TLE3: variants seen among roughly 807,000 people sequenced by gnomAD.
TLE3 encodes TLE family member 3, transcriptional corepressor.
TLE3 carries 14 observed loss-of-function variants against 93.0 expected under a neutral mutation model. The ratio of observed to expected loss-of-function variants is 0.15; its 90% confidence interval spans 0.10 to 0.24. The LOEUF (loss-of-function observed/expected upper bound fraction) is 0.24, where lower values mean the gene tolerates loss of function less well. TLE3 is among the 10% of genes least tolerant of loss of function. The probability of loss-of-function intolerance (pLI) is 1.00; values close to 1 mark genes in which losing one functional copy is unlikely to be tolerated. For missense variants in TLE3, 693 were observed against 1,046.6 expected (o/e 0.66, Z 4.66); for synonymous variants, 451 against 425.0 (o/e 1.06, Z -0.75).
At chr15:70,093,925 T>C (rs2058427275) in intron 4 of TLE3, among the ~76,000 whole-genome samples, 1 of 152,150 alleles carries the variant, frequency 6.6e-6, no homozygotes, top group African/African-American at 2.4e-5. Context: ...AGCTTCCTTC[T>C]CTGTAAAATG....
Position 70,064,420 on chromosome 15 carries a change from A to G in TLE3, c.594+34T>C, listed in dbSNP as rs760863519. Reference sequence around the variant, plus strand: ...AGTCCCACCTCCTCCCAGCACCCAAACACCCCTCCGGGTTCCAGAGTGCCA... The same window carrying G: ...AGTCCCACCTCCTCCCAGCACCCAAGCACCCCTCCGGGTTCCAGAGTGCCA... On this transcript the variant is annotated intron_variant, in intron 8 of 19. Coordinates refer to ENST00000451782, the MANE Select transcript of TLE3 (RefSeq NM_001105192.3). The G allele has an allele frequency of 5.6e-6, 9 of 1,612,706 alleles. No individual in the cohort carries two copies. The African/African-American group carries it at 1.1e-4, about 19-fold the overall frequency.
chr15:70,093,409 C>T (rs2058393968), intron 4 of TLE3, among the ~76,000 whole-genome samples: 1 of 152,242 alleles, frequency 6.6e-6, no homozygotes, highest in South Asian at 2.1e-4. Context: ...CTCACCTGCC[C>T]TGGGTCCTGC....
chr15:70,079,887 C>G (rs112964929), intron 4 of TLE3, among the ~76,000 whole-genome samples: 1 of 152,062 alleles, frequency 6.6e-6, no homozygotes, highest in South Asian at 2.1e-4. Flanking sequence ...AGTGATTTCA[C>G]TAAATGACTT....
chr15:70,088,679 G>A (rs2058149754), intron 4 of TLE3, among the ~76,000 whole-genome samples: 1 of 152,128 alleles, frequency 6.6e-6, no homozygotes, highest in East Asian at 1.9e-4. Flanking sequence ...TATTTTGCTG[G>A]CTGCTATCAT....
intron 1 of TLE3, chr15:70,096,558 G>C: frequency 6.9e-7 from 1 of 1,455,854 alleles, no homozygotes; most frequent in Non-Finnish European, 9.3e-7. Flanking sequence ...CGCGTGAACA[G>C]CTCCCCCTGG....
intron 4 of TLE3, among the ~76,000 whole-genome samples, chr15:70,083,217 C>A (rs1307516955): frequency 6.6e-6 from 1 of 152,196 alleles, no homozygotes. Context: ...TGGAGGCAGA[C>A]ACCACAGGGC....
At chr15:70,067,224 T>G (rs567571064) in intron 6 of TLE3, among the ~76,000 whole-genome samples, 1 of 152,234 alleles carries the variant, frequency 6.6e-6, no homozygotes, top group African/African-American at 2.4e-5. Flanking sequence ...TTCTCTTTCC[T>G]CTCCCTTCGC....
intron 8 of TLE3, among the ~76,000 whole-genome samples, chr15:70,061,985 C>T (rs186073732): frequency 2.1e-3 from 321 of 152,266 alleles, no homozygotes; most frequent in African/African-American, 7.3e-3. Flanking sequence ...AGAGGCCAAG[C>T]GTGGCTCAGG....
At position 70,058,545 on chromosome 15, in the gene TLE3, C is replaced by G. The variant is rs371432438; in HGVS notation, c.918+118G>C. 9.2e-6 allele frequency: 13 copies of G among 1,415,704 alleles called. No individual in the cohort carries two copies. The East Asian group carries it at 1.3e-4, about 14-fold the overall frequency. The allele number at this position is 1,415,704 out of a possible 1,614,324, so 87.7% of individuals were successfully genotyped here. A position where few individuals can be genotyped will look rare whatever the true frequency, so the allele number is the denominator to read the frequency against. On this transcript the variant is annotated intron_variant, in intron 11 of 19. Coordinates refer to ENST00000451782, the MANE Select transcript of TLE3 (RefSeq NM_001105192.3). The surrounding 1 kb of genome is among the most constrained non-coding windows in gnomAD (Gnocchi z 4.1). Reference sequence around the variant, plus strand: ...GGCCCAGCAGGCACAGAAGGTAAACCGGGGCCAATCACCCACCCAGCTTCT... The same window carrying G: ...GGCCCAGCAGGCACAGAAGGTAAACGGGGGCCAATCACCCACCCAGCTTCT...
chr15:70,056,421 A>C (rs1566988613), intron 13 of TLE3, 47 bp from the exon 14 acceptor site: 1 of 1,562,318 alleles, frequency 6.4e-7, no homozygotes, highest in Non-Finnish European at 8.7e-7. Context: ...GCTGCCACAC[A>C]CCCCCACCCC....
intron 8 of TLE3, 116 bp from the exon 9 acceptor site, chr15:70,060,765 ACTC>A (rs2056419272): frequency 2.0e-6 from 3 of 1,525,532 alleles, no homozygotes; most frequent in African/African-American, 1.4e-5. Context: ...GAGAAGCTGA[ACTC>A]CTCTCTGCCC....
intron 4 of TLE3, among the ~76,000 whole-genome samples, chr15:70,081,718 A>C (rs1310967344): frequency 6.6e-6 from 1 of 152,258 alleles, no homozygotes; most frequent in Non-Finnish European, 1.5e-5. Context: ...TCTTCTTCGG[A>C]AAATCAGGGC....
In TLE3 at chr15:70,067,212, G is replaced by A. The variant is rs116044322; in HGVS notation, c.373-994C>T. On this transcript the variant is annotated intron_variant, in intron 6 of 19. Coordinates refer to ENST00000451782, the MANE Select transcript of TLE3 (RefSeq NM_001105192.3). ...CTCAACACTAGCCTCAGGGGCTTGG[G>A]CTTCTCTTTCCTCTCCCTTCGCCCC... 3.0e-3 allele frequency among the ~76,000 whole-genome samples: 456 copies of A among 152,294 alleles called. 4 individuals are homozygous for A. Among genetic ancestry groups the A allele is most frequent in the African/African-American group, 0.011 (440 of 41,568 alleles).
chr15:70,081,917 G>A (rs1415322803), intron 4 of TLE3, among the ~76,000 whole-genome samples: 1 of 152,178 alleles, frequency 6.6e-6, no homozygotes, highest in Non-Finnish European at 1.5e-5. Context: ...TGTGTGTTTG[G>A]GGGTGTCATC....
Position 70,065,979 on chromosome 15 carries a change from GC to G in TLE3, c.577+34del, listed in dbSNP as rs540632960. ...CCTATGAGCGCCCATGCCCACCCCT[GC>G]CCCGCCCCACCCTCTGCCCCAGCCC... is the stretch of plus-strand genomic sequence containing the variant. On this transcript the variant is annotated intron_variant, in intron 7 of 19. Coordinates refer to ENST00000451782, the MANE Select transcript of TLE3 (RefSeq NM_001105192.3). 2.8e-4 allele frequency: 301 copies of G among 1,089,098 alleles called. 1 individual carries two copies. The African/African-American group carries it at 4.2e-3, about 15-fold the overall frequency. 67.5% of individuals were successfully genotyped at this position (1,089,098 alleles called of 1,614,324 possible).
chr15:70,051,623 C>G, intron 18 of TLE3, 156 bp from the exon 19 acceptor site: 28 of 209,690 alleles, frequency 1.3e-4, no homozygotes, highest in South Asian at 3.1e-4. Context: ...ATGGGACATG[C>G]GGACACCTGG....
At chr15:70,062,992 G>GGGATGA (rs1400539908) in intron 8 of TLE3, among the ~76,000 whole-genome samples, 2 of 152,186 alleles carry the variant, frequency 1.3e-5, no homozygotes, top group African/African-American at 2.4e-5. Flanking sequence ...GAAGCCAATA[G>GGGATGA]GGATGAGGAT....
chr15:70,083,743 G>C (rs1319259484), intron 4 of TLE3, among the ~76,000 whole-genome samples: 2 of 151,896 alleles, frequency 1.3e-5, no homozygotes, highest in Non-Finnish European at 2.9e-5. Flanking sequence ...CCCTTGCAGA[G>C]ACAGCTCATT....
intron 6 of TLE3, 134 bp from the exon 7 acceptor site, chr15:70,066,352 C>G (rs938705114): frequency 6.6e-5 from 48 of 731,412 alleles, no homozygotes; most frequent in Non-Finnish European, 9.4e-5. Context: ...GGGGGAAGCA[C>G]CCCCAAAACC....
Sources: gnomAD v4.1 joint callset for allele counts (sites outside exome capture counted in the v4.1 genomes callset) on GRCh38, gnomAD v4.1.1 for gene constraint, Gnocchi (gnomAD v3.1) non-coding constraint, MANE v1.5 for transcripts, NCBI Gene and HGNC (gene_info 2026-07-23, HGNC 2026-07-21) for gene names.